Variants in SORCS1 observed in about 807,000 individuals in gnomAD.
The protein encoded by SORCS1 is VPS10 domain-containing receptor SorCS1.
Under a neutral mutation model 146.1 loss-of-function variants are expected in SORCS1, and 60 were observed. That is an observed-to-expected ratio of 0.41 (90% confidence interval 0.33 to 0.51). The LOEUF (loss-of-function observed/expected upper bound fraction) is 0.51. SORCS1 is among the 20% of genes least tolerant of loss of function. The pLI is 0.21. For synonymous variants in SORCS1, 637 were observed against 584.0 expected (o/e 1.09, Z -1.31); for missense variants, 1,352 against 1,487.6 (o/e 0.91, Z 1.50).
At chr10:106,988,184 G>C (rs766860040) in intron 1 of SORCS1, among the ~76,000 whole-genome samples, 27 of 152,342 alleles carry the variant, frequency 1.8e-4, no homozygotes, top group Non-Finnish European at 3.4e-4. Flanking sequence ...ACTTTGGACA[G>C]CATCTTTATT....
At chr10:106,957,081 G>A (rs532637347) in intron 1 of SORCS1, among the ~76,000 whole-genome samples, 1 of 151,914 alleles carries the variant, frequency 6.6e-6, no homozygotes, top group African/African-American at 2.4e-5. Flanking sequence ...GAACAGTAAT[G>A]CTATCTCCCA....
chr10:106,945,021 G>C (rs1353926447), intron 2 of SORCS1, among the ~76,000 whole-genome samples: 1 of 151,352 alleles, frequency 6.6e-6, no homozygotes, highest in Non-Finnish European at 1.5e-5. Flanking sequence ...GAGAGGCTGG[G>C]ATTACAGGCA....
At chr10:107,002,988 G>A (rs1055991892) in intron 1 of SORCS1, among the ~76,000 whole-genome samples, 2 of 152,126 alleles carry the variant, frequency 1.3e-5, no homozygotes, top group African/African-American at 2.4e-5. Flanking sequence ...GAGTGTGGTG[G>A]CTCACACCTG....
At chr10:106,995,686 T>C (rs1258584194) in intron 1 of SORCS1, among the ~76,000 whole-genome samples, 1 of 152,116 alleles carries the variant, frequency 6.6e-6, no homozygotes, top group Non-Finnish European at 1.5e-5. Context: ...GCACTGACAT[T>C]GCTCAAAAAA....
intron 1 of SORCS1, among the ~76,000 whole-genome samples, chr10:107,067,707 C>T (rs776752665): frequency 1.3e-5 from 2 of 152,092 alleles, no homozygotes; most frequent in Non-Finnish European, 2.9e-5. Context: ...AGTTCAAATA[C>T]CTGTTCTTTC....
Position 106,579,050 on chromosome 10 carries a change from C to T in SORCS1, c.3371+319G>A, listed in dbSNP as rs1564738577. On this transcript the variant is annotated intron_variant, in intron 25 of 25. Coordinates refer to ENST00000263054, the MANE Select transcript of SORCS1 (RefSeq NM_052918.5). ...GGTTAGAGAGAGAGTCAGCCATTGCCTACTCAGCCGAACAGCTGGTGGCTA... is the reference window on the plus strand; with the variant it reads ...GGTTAGAGAGAGAGTCAGCCATTGCTTACTCAGCCGAACAGCTGGTGGCTA... 13 of 1,608,464 alleles carry T rather than the reference C, an allele frequency of 8.1e-6. No homozygotes were observed. The East Asian group carries it at 2.9e-4, about 36-fold the overall frequency.
In SORCS1 at chr10:107,076,348, G is replaced by A. The variant is rs139205238; in HGVS notation, c.558+87621C>T. On this transcript the variant is annotated intron_variant, in intron 1 of 25. Coordinates refer to ENST00000263054, the MANE Select transcript of SORCS1 (RefSeq NM_052918.5). ...ACTTAATATTGCATAAGCCAGCATA[G>A]CCCAAACATGTTTGACTTTGGAAGC... Among the ~76,000 whole-genome samples, 32 of 152,178 alleles carry A rather than the reference G, an allele frequency of 2.1e-4. No individual in the cohort carries two copies. In the East Asian group the frequency reaches 6.0e-3, roughly 28 times the overall value.
intron 17 of SORCS1, among the ~76,000 whole-genome samples, chr10:106,660,799 G>A (rs1850667123): frequency 6.7e-6 from 1 of 150,098 alleles, no homozygotes; most frequent in Non-Finnish European, 1.5e-5. Flanking sequence ...TAACCCTGAA[G>A]AGCAGTAAGA....
chr10:106,607,753 C>G (rs181420173), intron 22 of SORCS1, among the ~76,000 whole-genome samples: 11 of 152,296 alleles, frequency 7.2e-5, no homozygotes, highest in Admixed American at 3.3e-4. Flanking sequence ...ATCTGCCCCT[C>G]ATGCCTTAGC....
At chr10:106,948,962 A>C (rs910188480) in intron 2 of SORCS1, among the ~76,000 whole-genome samples, 1 of 138,096 alleles carries the variant, frequency 7.2e-6, no homozygotes, top group East Asian at 2.0e-4. Context: ...CTCTGTATCC[A>C]AAAAAAAAAA....
Position 107,102,981 on chromosome 10 carries a change from A to G in SORCS1, c.558+60988T>C, listed in dbSNP as rs1475134961. Among the ~76,000 whole-genome samples, 3 of 152,090 alleles carry G rather than the reference A, an allele frequency of 2.0e-5. No homozygotes were observed. The East Asian group carries it at 5.8e-4, about 29-fold the overall frequency. Reference sequence around the variant, plus strand: ...CCGTCTTCAGTGAAATAGCACCAAAATAATGCAGATAACATTTTTTGCCTA... The same window carrying G: ...CCGTCTTCAGTGAAATAGCACCAAAGTAATGCAGATAACATTTTTTGCCTA... On this transcript the variant is annotated intron_variant, in intron 1 of 25. Coordinates refer to ENST00000263054, the MANE Select transcript of SORCS1 (RefSeq NM_052918.5).
the SORCS1 span, among the ~76,000 whole-genome samples, chr10:107,180,926 CTACTGTACTGAA>C: frequency 6.6e-6 from 1 of 152,210 alleles, no homozygotes; most frequent in Non-Finnish European, 1.5e-5. Flanking sequence ...ATACAGCATG[CTACTGTACTGAA>C]TACTGTAGGC....
At chr10:107,077,757 A>C (rs1963006883) in intron 1 of SORCS1, among the ~76,000 whole-genome samples, 2 of 152,000 alleles carry the variant, frequency 1.3e-5, no homozygotes, top group Admixed American at 6.6e-5. Flanking sequence ...AGTTTTCCCT[A>C]TTAACCACTA....
intron 2 of SORCS1, among the ~76,000 whole-genome samples, chr10:106,849,379 G>A (rs1055616637): frequency 7.4e-5 from 11 of 147,954 alleles, no homozygotes; most frequent in South Asian, 2.2e-4. Context: ...TGATCGCATC[G>A]GCTCCTGAGG....
intron 2 of SORCS1, among the ~76,000 whole-genome samples, chr10:106,849,092 T>C (rs11193071): frequency 0.012 from 1,769 of 146,066 alleles, 34 homozygotes; most frequent in African/African-American, 0.042. Context: ...AGGAGTATCT[T>C]TGTGGCGTTC....
rs1185805311 is a variant in SORCS1, at chr10:106,699,361, C to A, written c.1266G>T (p.Gln422His). ...TCCATTCTTGGACCGCTGCGAACAC[C>A]TGATTCTCATCGGTGCTGATAACAT... ...DMHVISTDEN[Q>H]VFAAVQEWNQ... Residue 422 changes from glutamine (Q) to histidine (H), a missense_variant, in exon 9 of 26, where the codon CAG becomes CAT. Gln to His is a conservative substitution (Grantham distance 24, BLOSUM62 0). This residue lies in a region of SORCS1 where 648 missense variants were observed against 793.8 expected (regional missense o/e 0.82). Coordinates refer to ENST00000263054, the MANE Select transcript of SORCS1 (RefSeq NM_052918.5). 6.2e-7 allele frequency: 1 copy of A among 1,613,516 alleles called. No individual in the cohort carries two copies. The highest frequency in any genetic ancestry group is 8.5e-7 in the Non-Finnish European group (1 of 1,179,672).
intron 2 of SORCS1, among the ~76,000 whole-genome samples, chr10:106,924,683 T>A (rs1024129928): frequency 2.5e-4 from 38 of 151,760 alleles, no homozygotes; most frequent in African/African-American, 8.9e-4. Flanking sequence ...TTGGTGCTGC[T>A]GCTAGTGACA....
At chr10:106,925,374 G>A (rs1025931013) in intron 2 of SORCS1, among the ~76,000 whole-genome samples, 1 of 152,132 alleles carries the variant, frequency 6.6e-6, no homozygotes, top group Non-Finnish European at 1.5e-5. Context: ...ATTCCTGGAT[G>A]GGACCCACAC....
At position 106,773,768 on chromosome 10, in the gene SORCS1, C is replaced by T. The variant is rs139890097; in HGVS notation, c.885+2766G>A. Among the ~76,000 whole-genome samples the T allele has an allele frequency of 9.2e-3, 1,405 of 151,958 alleles. 22 individuals are homozygous for T. Among genetic ancestry groups the T allele is most frequent in the African/African-American group, 0.032 (1,330 of 41,440 alleles). On this transcript the variant is annotated intron_variant, in intron 4 of 25. Coordinates refer to ENST00000263054, the MANE Select transcript of SORCS1 (RefSeq NM_052918.5). Reference sequence around the variant, plus strand: ...TTTGAGACCAGCCTGGCCAACAAGGCGAAACCCCGTCTCTACTAAAGATAC... The same window carrying T: ...TTTGAGACCAGCCTGGCCAACAAGGTGAAACCCCGTCTCTACTAAAGATAC...
Sources: allele counts gnomAD v4.1 joint callset (sites outside exome capture counted in the v4.1 genomes callset), GRCh38; gene constraint gnomAD v4.1.1; regional missense constraint gnomAD v4.1.1; transcripts MANE v1.5; gene names NCBI Gene and HGNC (gene_info 2026-07-23, HGNC 2026-07-21).